Variants in FOXO3 observed in about 807,000 individuals in gnomAD.
FOXO3 encodes the protein forkhead box protein O3.
Under a neutral mutation model 41.9 loss-of-function variants are expected in FOXO3, and 4 were observed. That is an observed-to-expected ratio of 0.10 (90% confidence interval 0.05 to 0.22). The LOEUF is 0.22. FOXO3 is among the 10% of genes least tolerant of loss of function. FOXO3 has a pLI of 1.00. For synonymous variants in FOXO3, 318 were observed against 389.3 expected (o/e 0.82, Z 2.16); for missense variants, 534 against 906.8 (o/e 0.59, Z 5.28).
chr6:108,579,731 G>A (rs1001448831), intron 1 of FOXO3, among the ~76,000 whole-genome samples: 2 of 152,176 alleles, frequency 1.3e-5, no homozygotes, highest in Admixed American at 6.5e-5. Context: ...CTTTCACAGA[G>A]GAGTAAAACA....
Position 108,587,952 on chromosome 6 carries a change from C to G in FOXO3, c.621+26123C>G, listed in dbSNP as rs377486185. On this transcript the variant is annotated intron_variant, in intron 1 of 2. Coordinates refer to ENST00000406360, the MANE Select transcript of FOXO3 (RefSeq NM_001455.4). ...TGCACTAGAGAAGGGCTCCCCCATC[C>G]TCCCTCCTCCTCTAGCTTCTTGTCT... Among the ~76,000 whole-genome samples, 4 of 152,330 alleles carry G rather than the reference C, an allele frequency of 2.6e-5. No homozygotes were observed. In the East Asian group the frequency reaches 7.7e-4, roughly 29 times the overall value.
At chr6:108,662,067 T>G (rs1778882342) in intron 1 of FOXO3, among the ~76,000 whole-genome samples, 1 of 152,334 alleles carries the variant, frequency 6.6e-6, no homozygotes, top group South Asian at 2.1e-4. Context: ...ATGTTTTTTT[T>G]TGTTCCAGGA....
At chr6:108,601,024 T>G (rs1777038074) in intron 1 of FOXO3, among the ~76,000 whole-genome samples, 2 of 152,300 alleles carry the variant, frequency 1.3e-5, no homozygotes, top group South Asian at 4.1e-4. Context: ...TCTTTTTTTT[T>G]TCTGACGGAG....
intron 1 of FOXO3, among the ~76,000 whole-genome samples, chr6:108,624,941 G>T (rs1286267255): frequency 6.6e-6 from 1 of 151,958 alleles, no homozygotes; most frequent in Non-Finnish European, 1.5e-5. Flanking sequence ...AGTGTTTTTT[G>T]TTTTGTTTTG....
At position 108,561,727 on chromosome 6, in the gene FOXO3, C is replaced by T. The variant is rs764495520; in HGVS notation, c.519C>T (p.Ser173=). The T allele has an allele frequency of 6.2e-7, 1 of 1,610,716 alleles. No homozygotes were observed. Among genetic ancestry groups the T allele is most frequent in the South Asian group, 1.1e-5 (1 of 90,712 alleles). The change falls in exon 1 of 3, where the codon TCC becomes TCT. Residue 173 remains serine (S), a synonymous_variant. Coordinates refer to ENST00000406360, the MANE Select transcript of FOXO3 (RefSeq NM_001455.4). ...ADLITRAIES[S]PDKRLTLSQI... ...TGATCACCCGCGCCATCGAGAGCTC[C>T]CCGGACAAACGGCTCACTCTGTCCC...
chr6:108,649,042 A>G (rs994877511), intron 1 of FOXO3, among the ~76,000 whole-genome samples: 6 of 147,526 alleles, frequency 4.1e-5, no homozygotes, highest in African/African-American at 9.9e-5. Context: ...AAGGACTACA[A>G]GTGTCTCAGA....
chr6:108,682,246 C>T lies in FOXO3; in HGVS notation c.*2454C>T, dbSNP rs1770889937. The T allele has an allele frequency of 6.6e-6, 1 of 152,610 alleles. No homozygotes were observed. Among genetic ancestry groups the T allele is most frequent in the Admixed American group, 6.5e-5 (1 of 15,272 alleles). The allele number at this position is 152,610 out of a possible 1,614,324, so 9.5% of individuals were successfully genotyped here. On this transcript the variant is annotated 3_prime_UTR_variant, in exon 3 of 3. Transcript: ENST00000406360. ...TCCTTTTCTAGCGTTTGTTGAATTTCAGGCAGAATGTCTTACAGAATGTCC... is the reference window on the plus strand; with the variant it reads ...TCCTTTTCTAGCGTTTGTTGAATTTTAGGCAGAATGTCTTACAGAATGTCC...
intron 1 of FOXO3, among the ~76,000 whole-genome samples, chr6:108,616,156 GTTTTTTTTTTTTT>G (rs35632295): frequency 1.8e-5 from 1 of 55,158 alleles, no homozygotes; most frequent in Non-Finnish European, 3.4e-5. Context: ...CCCAACTAAG[GTTTTTTTTTTTTT>G]TTTTTTTTTT....
chr6:108,579,024 T>G (rs1373054421), intron 1 of FOXO3, among the ~76,000 whole-genome samples: 1 of 152,152 alleles, frequency 6.6e-6, no homozygotes, highest in Non-Finnish European at 1.5e-5. Flanking sequence ...GCTGGTGGCT[T>G]TAGGAATGTA....
At chr6:108,638,020 TA>T (rs1420240047) in intron 1 of FOXO3, among the ~76,000 whole-genome samples, 4 of 152,186 alleles carry the variant, frequency 2.6e-5, no homozygotes, top group African/African-American at 7.2e-5. Context: ...AAACAAAATA[TA>T]AAAATGTCAA....
In FOXO3 at chr6:108,681,262, T is replaced by C. The variant is rs1213667630; in HGVS notation, c.*1470T>C. On this transcript the variant is annotated 3_prime_UTR_variant, in exon 3 of 3. Transcript: ENST00000406360. ...ATATGCATACTTCTCCAAAGTGATA[T>C]ATGAAGACTCTTTTCTTTGCATAAA... 6.5e-6 allele frequency: 1 copy of C among 152,694 alleles called. No individual in the cohort carries two copies. Among genetic ancestry groups the C allele is most frequent in the Non-Finnish European group, 1.5e-5 (1 of 68,044 alleles). The allele number at this position is 152,694 out of a possible 1,614,324, so 9.5% of individuals were successfully genotyped here.
At chr6:108,624,328 T>C (rs1777753660) in intron 1 of FOXO3, among the ~76,000 whole-genome samples, 1 of 151,670 alleles carries the variant, frequency 6.6e-6, no homozygotes. Flanking sequence ...AAAAAAAACC[T>C]CTCAGTTTAC....
intron 1 of FOXO3, among the ~76,000 whole-genome samples, chr6:108,606,223 A>C (rs974022598): frequency 6.6e-6 from 1 of 152,202 alleles, no homozygotes; most frequent in African/African-American, 2.4e-5. Flanking sequence ...CTTGTCAGTT[A>C]ATGCCTAATT....
chr6:108,663,287 C>T (rs143900310), intron 1 of FOXO3, among the ~76,000 whole-genome samples, 168 bp from the exon 2 acceptor site: 60 of 152,306 alleles, frequency 3.9e-4, no homozygotes, highest in Non-Finnish European at 7.6e-4. Flanking sequence ...CGCTTCAGCC[C>T]AGGAGGTTGA....
intron 1 of FOXO3, among the ~76,000 whole-genome samples, chr6:108,651,696 G>A (rs1445234819): frequency 6.6e-6 from 1 of 152,180 alleles, no homozygotes; most frequent in Non-Finnish European, 1.5e-5. Context: ...CACCCACTCA[G>A]CACCTCCACA....
chr6:108,636,417 C>CTGT (rs1778122229), intron 1 of FOXO3, among the ~76,000 whole-genome samples: 1 of 152,046 alleles, frequency 6.6e-6, no homozygotes, highest in Non-Finnish European at 1.5e-5. Flanking sequence ...AAGGGTAAAC[C>CTGT]CAGCATCCTT....
At chr6:108,665,945 C>T (rs1779046692) in intron 2 of FOXO3, among the ~76,000 whole-genome samples, 1 of 151,834 alleles carries the variant, frequency 6.6e-6, no homozygotes. Flanking sequence ...TAGAGTGACA[C>T]AGGTTGTGAA....
At chr6:108,617,657 A>C (rs1180921001) in intron 1 of FOXO3, among the ~76,000 whole-genome samples, 1 of 152,210 alleles carries the variant, frequency 6.6e-6, no homozygotes, top group African/African-American at 2.4e-5. Context: ...TGTTGTTAAA[A>C]CAGAGCAAAA....
chr6:108,569,030 C>T (rs1453417369), intron 1 of FOXO3, among the ~76,000 whole-genome samples: 3 of 152,170 alleles, frequency 2.0e-5, no homozygotes, highest in Non-Finnish European at 2.9e-5. Flanking sequence ...AATTGTTTTG[C>T]CTAAAGTTTA....
Sources: gnomAD v4.1 joint callset for allele counts (sites outside exome capture counted in the v4.1 genomes callset) on GRCh38, gnomAD v4.1.1 for gene constraint, MANE v1.5 for transcripts, NCBI Gene and HGNC (gene_info 2026-07-23, HGNC 2026-07-21) for gene names.